ST3GAL1: variants seen among roughly 807,000 people sequenced by gnomAD.
ST3GAL1 encodes CMP-N-acetylneuraminate-beta-galactosamide-alpha-2,3-sialyltransferase 1.
In ST3GAL1, 16 loss-of-function variants were observed where a neutral mutation model predicts 34.1. The ratio of observed to expected loss-of-function variants is 0.47; its 90% CI spans 0.32 to 0.71. The LOEUF (loss-of-function observed/expected upper bound fraction) is 0.71. Ranked by LOEUF, ST3GAL1 falls within the 30% of genes least tolerant of loss-of-function variation. The pLI, the probability that ST3GAL1 is intolerant of heterozygous loss-of-function variation, is 0.04. For synonymous variants in ST3GAL1, 191 were observed against 184.7 expected (o/e 1.03, Z -0.28); for missense variants, 353 against 447.4 (o/e 0.79, Z 1.90).
intron 1 of ST3GAL1, among the ~76,000 whole-genome samples, chr8:133,550,810 C>T (rs1026209524): frequency 6.6e-6 from 1 of 152,156 alleles, no homozygotes; most frequent in African/African-American, 2.4e-5. Context: ...TTCACGCTTC[C>T]ACCATCCACA....
intron 2 of ST3GAL1, among the ~76,000 whole-genome samples, chr8:133,520,078 C>A (rs1423429125): frequency 6.6e-6 from 1 of 152,228 alleles, no homozygotes; most frequent in Admixed American, 6.5e-5. Context: ...ATTCTTTCAG[C>A]CCACGCATAT....
intron 2 of ST3GAL1, among the ~76,000 whole-genome samples, chr8:133,543,489 G>T (rs1259332074): frequency 6.6e-6 from 1 of 152,084 alleles, no homozygotes; most frequent in Non-Finnish European, 1.5e-5. Context: ...AAGAAAAAAT[G>T]AACATAATAA....
At chr8:133,533,260 G>A (rs1038500751) in intron 2 of ST3GAL1, among the ~76,000 whole-genome samples, 4 of 152,142 alleles carry the variant, frequency 2.6e-5, no homozygotes, top group Admixed American at 6.5e-5. Flanking sequence ...AGAGAATGAC[G>A]TGCAGGTGTT....
At chr8:133,489,659 A>C (rs1253984187) in intron 3 of ST3GAL1, 1 of 152,120 alleles carries the variant, frequency 6.6e-6, no homozygotes, top group Non-Finnish European at 1.5e-5. Flanking sequence ...CCAGGGGGAC[A>C]CTCCAAGAAG....
intron 3 of ST3GAL1, among the ~76,000 whole-genome samples, chr8:133,494,691 CACG>C (rs1316084996): frequency 2.6e-5 from 4 of 152,098 alleles, no homozygotes; most frequent in African/African-American, 7.2e-5. Flanking sequence ...TTCCATTTTC[CACG>C]ACTTTTCCTT....
At chr8:133,506,386 A>G (rs776290299) in intron 2 of ST3GAL1, among the ~76,000 whole-genome samples, 1 of 152,208 alleles carries the variant, frequency 6.6e-6, no homozygotes, top group Non-Finnish European at 1.5e-5. Flanking sequence ...CCTAAATAAG[A>G]GCAAATATTT....
At chr8:133,516,197 G>A (rs1032208813) in intron 2 of ST3GAL1, 1 of 152,170 alleles carries the variant, frequency 6.6e-6, no homozygotes, top group African/African-American at 2.4e-5. Flanking sequence ...GATCCTCCCT[G>A]CTATGCCTAG....
At chr8:133,546,478 CAA>C (rs10553471) in intron 1 of ST3GAL1, among the ~76,000 whole-genome samples, 45,122 of 114,606 alleles carry the variant, frequency 0.39, 8,102 homozygotes, top group African/African-American at 0.55. Flanking sequence ...GAGACTCCGT[CAA>C]AAAAAAAAAA....
At position 133,571,069 on chromosome 8, in the gene ST3GAL1, C is replaced by A. The variant is rs1351516614; in HGVS notation, c.-582+624G>T. ...AACTTCACCCCCAGATCCGGAGCAG[C>A]GCGCTCTGACGGCGTCCCCGGGGCC... On this transcript the variant is annotated intron_variant, in intron 1 of 9. Transcript: ENST00000522652. This position sits in a 1 kb window ranked among gnomAD's most constrained non-coding sequence, Gnocchi z 6.7. Among the ~76,000 whole-genome samples, 1 of 152,202 alleles carries A rather than the reference C, an allele frequency of 6.6e-6. No individual in the cohort carries two copies. The highest frequency in any genetic ancestry group is 1.5e-5 in the Non-Finnish European group (1 of 68,026).
rs1816988627 is a variant in ST3GAL1 at position 133,497,455 on chromosome 8, A to ATTTTTTT, written c.-374+1679_-374+1680insAAAAAAA. Among the ~76,000 whole-genome samples the ATTTTTTT allele has an allele frequency of 2.4e-4, 24 of 101,224 alleles. 10 individuals carry two copies. The highest frequency in any genetic ancestry group is 3.3e-4 in the South Asian group (1 of 3,052). 66.4% of individuals were successfully genotyped at this position (101,224 alleles called of 152,430 possible). On this transcript the variant is annotated intron_variant, in intron 3 of 9. Transcript: ENST00000522652. ...CTTCTCTCCCATGCAATTTTGTTGGAATTTTTTTTTTTTTTTTTTTTTTTT... is the reference window on the plus strand; with the variant it reads ...CTTCTCTCCCATGCAATTTTGTTGGATTTTTTTATTTTTTTTTTTTTTTTTTTTTTTT...
chr8:133,465,763 C>G lies in ST3GAL1; in HGVS notation c.503+131G>C. The G allele has an allele frequency of 5.1e-6, 5 of 974,122 alleles. No individual in the cohort carries two copies. The South Asian group carries it at 8.3e-5, about 16-fold the overall frequency. The allele number at this position is 974,122 out of a possible 1,614,324, so 60.3% of individuals were successfully genotyped here. ...AGGCCCAGGGGGTGCAGTGTGGAGC[C>G]TGGGGTCCCTGGGTAAGTTCAGTCC... On this transcript the variant is annotated intron_variant, in intron 6 of 9. Coordinates refer to ENST00000522652, the MANE Select transcript of ST3GAL1 (RefSeq NM_173344.3).
At chr8:133,563,610 T>C (rs1819308616) in intron 1 of ST3GAL1, among the ~76,000 whole-genome samples, 1 of 152,198 alleles carries the variant, frequency 6.6e-6, no homozygotes, top group South Asian at 2.1e-4. Flanking sequence ...GTCAACACGA[T>C]AAGCGCCAGC....
intron 2 of ST3GAL1, among the ~76,000 whole-genome samples, chr8:133,518,902 T>C (rs796315937): frequency 5.9e-5 from 9 of 152,284 alleles, no homozygotes; most frequent in African/African-American, 2.2e-4. Flanking sequence ...CAGACTCTGA[T>C]CCCAGCAGTG....
chr8:133,473,550 T>G (rs372204794), intron 5 of ST3GAL1, among the ~76,000 whole-genome samples: 37 of 152,336 alleles, frequency 2.4e-4, no homozygotes, highest in Middle Eastern at 3.4e-3. Context: ...CTTAACGTGG[T>G]CCCAGCAACT....
chr8:133,485,286 C>A (rs1454111637), intron 3 of ST3GAL1, among the ~76,000 whole-genome samples: 2 of 152,346 alleles, frequency 1.3e-5, no homozygotes, highest in South Asian at 2.1e-4. Context: ...GAGGCAAGAG[C>A]CTTCCTTCCT....
chr8:133,509,375 G>A (rs1168281180), intron 2 of ST3GAL1, among the ~76,000 whole-genome samples: 6 of 152,246 alleles, frequency 3.9e-5, no homozygotes, highest in Non-Finnish European at 8.8e-5. Context: ...CCAGACAGAC[G>A]TGGGTTCCAC....
In ST3GAL1 at chr8:133,475,909, G is replaced by A. The variant is rs774065780; in HGVS notation, c.116C>T (p.Pro39Leu). Residue 39 changes from proline to leucine, a missense_variant, in exon 5 of 10, where the codon CCC becomes CTC. Physicochemically the swap from Pro to Leu is moderately conservative, Grantham distance 98. Coordinates refer to ENST00000522652, the MANE Select transcript of ST3GAL1 (RefSeq NM_173344.3). ...SHTMVATTWF[P>L]KQMVLELSEN... ...GGAGAGCTCCAGGACCATCTGCTTGGGGAACCAGGTGGTGGCCACCATGGT... is the reference window on the plus strand; with the variant it reads ...GGAGAGCTCCAGGACCATCTGCTTGAGGAACCAGGTGGTGGCCACCATGGT... 26 of 1,614,050 alleles carry A rather than the reference G, an allele frequency of 1.6e-5. No homozygotes were observed. Among genetic ancestry groups the A allele is most frequent in the Non-Finnish European group, 2.0e-5 (24 of 1,180,040 alleles).
chr8:133,524,251 G>C (rs1254318599), intron 2 of ST3GAL1, among the ~76,000 whole-genome samples: 3 of 152,158 alleles, frequency 2.0e-5, no homozygotes, highest in Non-Finnish European at 4.4e-5. Flanking sequence ...TTTTTCAGAT[G>C]AAAATGTGAA....
chr8:133,513,045 C>A (rs1376852224), intron 2 of ST3GAL1, among the ~76,000 whole-genome samples: 1 of 152,128 alleles, frequency 6.6e-6, no homozygotes, highest in Non-Finnish European at 1.5e-5. Context: ...CTGACGAAGA[C>A]CAGGTGGTTG....
Sources: allele counts gnomAD v4.1 joint callset (sites outside exome capture counted in the v4.1 genomes callset), GRCh38; gene constraint gnomAD v4.1.1; non-coding constraint Gnocchi (gnomAD v3.1); transcripts MANE v1.5; gene names NCBI Gene and HGNC (gene_info 2026-07-23, HGNC 2026-07-21).